ST18: variants seen among roughly 807,000 people sequenced by gnomAD.
The protein encoded by ST18 is ST18 C2H2C-type zinc finger transcription factor, also known as suppression of tumorigenicity 18 protein.
A neutral mutation model predicts 110.0 loss-of-function variants in ST18; 50 were observed. That is an observed-to-expected ratio of 0.45 (90% CI 0.36 to 0.58). ST18 has a LOEUF of 0.58. Among genes scored for constraint, ST18 ranks in the 20% least tolerant of loss-of-function variants. The pLI is 0.00. For missense variants in ST18, 1,306 were observed against 1,280.1 expected (o/e 1.02, Z -0.31); for synonymous variants, 461 against 452.4 (o/e 1.02, Z -0.24).
intron 2 of ST18, among the ~76,000 whole-genome samples, chr8:52,368,436 A>T (rs963872741): frequency 6.6e-6 from 1 of 152,256 alleles, no homozygotes; most frequent in South Asian, 2.1e-4. Context: ...TGGATCATTT[A>T]GTTCCACAAC....
chr8:52,260,264 T>C (rs1298096563), intron 2 of ST18, among the ~76,000 whole-genome samples: 2 of 150,840 alleles, frequency 1.3e-5, no homozygotes, highest in African/African-American at 5.0e-5. Flanking sequence ...CCTACACCTA[T>C]GGCTGCATCT....
At chr8:52,365,399 T>A (rs1180721454) in intron 2 of ST18, among the ~76,000 whole-genome samples, 1 of 152,206 alleles carries the variant, frequency 6.6e-6, no homozygotes, top group East Asian at 1.9e-4. Context: ...ACGGAGGATA[T>A]GTTTTACAAC....
At chr8:52,289,439 C>T (rs979245165) in intron 2 of ST18, among the ~76,000 whole-genome samples, 49 of 152,182 alleles carry the variant, frequency 3.2e-4, no homozygotes, top group Non-Finnish European at 1.0e-4. Context: ...GGGGACAGAT[C>T]AGGACTCTGT....
chr8:52,231,030 G>T (rs2091190299), intron 2 of ST18, among the ~76,000 whole-genome samples: 1 of 152,150 alleles, frequency 6.6e-6, no homozygotes, highest in Non-Finnish European at 1.5e-5. Context: ...TCTTAGCATT[G>T]CTCGTACATG....
intron 23 of ST18, among the ~76,000 whole-genome samples, chr8:52,124,472 C>A (rs1181560014): frequency 6.6e-6 from 1 of 152,162 alleles, no homozygotes. Flanking sequence ...CTGTTTCTGG[C>A]TGAATTAAAT....
chr8:52,357,912 G>A (rs1823908409), intron 2 of ST18, among the ~76,000 whole-genome samples: 1 of 150,610 alleles, frequency 6.6e-6, no homozygotes, highest in South Asian at 2.1e-4. Context: ...ATTTTCTCAA[G>A]CACACATAGA....
chr8:52,350,030 C>T (rs756989769), intron 2 of ST18, among the ~76,000 whole-genome samples: 1 of 152,142 alleles, frequency 6.6e-6, no homozygotes, highest in Admixed American at 6.5e-5. Context: ...GTTCCACACC[C>T]CGCAGGACCT....
At chr8:52,226,365 G>A (rs1441206989) in intron 3 of ST18, among the ~76,000 whole-genome samples, 4 of 152,104 alleles carry the variant, frequency 2.6e-5, no homozygotes, top group South Asian at 2.1e-4. Context: ...AGCAAAAAAC[G>A]CATCTCATGG....
At chr8:52,342,356 A>G (rs1815476228) in intron 2 of ST18, among the ~76,000 whole-genome samples, 1 of 107,416 alleles carries the variant, frequency 9.3e-6, no homozygotes, top group Middle Eastern at 4.6e-3. Context: ...GATCTTATAT[A>G]TGACTCCATA....
intron 2 of ST18, among the ~76,000 whole-genome samples, chr8:52,339,208 C>T (rs556148742): frequency 6.6e-6 from 1 of 152,126 alleles, no homozygotes; most frequent in African/African-American, 2.4e-5. Context: ...TGGCTGGCAC[C>T]AGGCTGCTCT....
intron 8 of ST18, among the ~76,000 whole-genome samples, chr8:52,183,584 T>A (rs541109917): frequency 6.6e-6 from 1 of 152,346 alleles, no homozygotes; most frequent in South Asian, 2.1e-4. Flanking sequence ...TTTTGGAATA[T>A]CAAATTCTTC....
intron 2 of ST18, among the ~76,000 whole-genome samples, chr8:52,260,423 T>C (rs973750546): frequency 1.4e-5 from 2 of 146,406 alleles, no homozygotes; most frequent in Non-Finnish European, 2.9e-5. Context: ...CTTGTTCTTA[T>C]TTATCATGTG....
rs182344485 is a variant in ST18 at position 52,280,641 on chromosome 8, T to A, written c.-464-50564A>T. Among the ~76,000 whole-genome samples, 313 of 152,238 alleles carry A rather than the reference T, an allele frequency of 2.1e-3. 2 individuals are homozygous for A. The highest frequency in any genetic ancestry group is 6.8e-3 in the Middle Eastern group (2 of 294). ...TTTATTATTAATGACCTTATTTAAG[T>A]TATTTTATAATGACAAAATTTTTCG... On this transcript the variant is annotated intron_variant, in intron 2 of 25. Transcript: ENST00000689386.
chr8:52,193,844 T>C (rs1329355499), intron 8 of ST18, among the ~76,000 whole-genome samples: 1 of 152,212 alleles, frequency 6.6e-6, no homozygotes, highest in Non-Finnish European at 1.5e-5. Context: ...CTTAGAAACT[T>C]TGTGACCACA....
At chr8:52,324,551 C>A (rs1805443537) in intron 2 of ST18, among the ~76,000 whole-genome samples, 1 of 152,108 alleles carries the variant, frequency 6.6e-6, no homozygotes, top group Admixed American at 6.5e-5. Context: ...AGATGCACGG[C>A]AATGGGAACT....
At chr8:52,272,184 CA>C in intron 2 of ST18, among the ~76,000 whole-genome samples, 1 of 151,780 alleles carries the variant, frequency 6.6e-6, no homozygotes, top group Non-Finnish European at 1.5e-5. Context: ...GTACAGGCAA[CA>C]AAAAACAAAA....
rs193250031 is a variant in ST18 at position 52,290,085 on chromosome 8, G to A, written c.-464-60008C>T. 2.8e-4 allele frequency among the ~76,000 whole-genome samples: 42 copies of A among 152,198 alleles called. 1 individual carries two copies. Among genetic ancestry groups the A allele is most frequent in the Admixed American group, 1.6e-3 (25 of 15,302 alleles). ...TGGTACACCTGGTACAACTCTGGTG[G>A]ATCCATGTCCCTCCTCACATAGAGA... is the stretch of plus-strand genomic sequence containing the variant. On this transcript the variant is annotated intron_variant, in intron 2 of 25. Coordinates refer to ENST00000689386, the MANE Select transcript of ST18 (RefSeq NM_001352837.2).
intron 6 of ST18, among the ~76,000 whole-genome samples, chr8:52,216,729 G>A (rs7827283): frequency 0.093 from 14,174 of 152,154 alleles, 1,516 homozygotes; most frequent in African/African-American, 0.25. Flanking sequence ...CTTGTCTATG[G>A]GAGTAGATAT....
chr8:52,345,653 A>G (rs1163563168), intron 2 of ST18, among the ~76,000 whole-genome samples: 1 of 152,216 alleles, frequency 6.6e-6, no homozygotes, highest in Non-Finnish European at 1.5e-5. Context: ...GAATGTCTAC[A>G]CAGGCAAAGC....
Sources: allele counts gnomAD v4.1 joint callset (sites outside exome capture counted in the v4.1 genomes callset), GRCh38; gene constraint gnomAD v4.1.1; transcripts MANE v1.5; gene names NCBI Gene and HGNC (gene_info 2026-07-23, HGNC 2026-07-21).